ALKBH3: variants seen among roughly 807,000 people sequenced by gnomAD.
ALKBH3 encodes alpha-ketoglutarate-dependent dioxygenase alkB homolog 3.
A neutral mutation model predicts 43.9 loss-of-function variants in ALKBH3; 51 were observed. The observed-to-expected ratio is 1.16, with a 90% confidence interval of 0.93 to 1.47. The LOEUF (loss-of-function observed/expected upper bound fraction) is 1.47, where lower values mean the gene tolerates loss of function less well. Ranked by LOEUF, ALKBH3 falls within the 40% of genes most tolerant of loss-of-function variation. The pLI, the probability that ALKBH3 is intolerant of heterozygous loss-of-function variation, is 0.00. For missense variants in ALKBH3, 361 were observed against 351.9 expected (o/e 1.03, Z -0.21); for synonymous variants, 102 against 115.2 (o/e 0.89, Z 0.73).
intron 8 of ALKBH3, among the ~76,000 whole-genome samples, chr11:43,913,958 T>TG (rs967225300): frequency 6.6e-6 from 1 of 152,300 alleles, no homozygotes; most frequent in Non-Finnish European, 1.5e-5. Flanking sequence ...GGGGCAGCAC[T>TG]GGGGGAACAG....
At chr11:43,898,427 A>G in intron 7 of ALKBH3, 1 of 739,332 alleles carries the variant, frequency 1.4e-6, no homozygotes, top group Non-Finnish European at 2.4e-6. Flanking sequence ...GGCTGGCATC[A>G]TCACGACAAA....
chr11:43,900,610 A>G (rs1241958914), intron 7 of ALKBH3, among the ~76,000 whole-genome samples: 1 of 152,208 alleles, frequency 6.6e-6, no homozygotes, highest in African/African-American at 2.4e-5. Flanking sequence ...GCTGTAACCC[A>G]TATAAACAAA....
rs147238321 is a variant in ALKBH3, at chr11:43,919,825, A to T, written c.769-93A>T. On this transcript the variant is annotated intron_variant, in intron 9 of 9. Transcript: ENST00000302708. ...CATTTAAGGGGGATGAGATGGAAAT[A>T]TTTCTGCATTCTCATGAATAAGTTT... The T allele has an allele frequency of 2.9e-4, 343 of 1,174,388 alleles. 2 individuals are homozygous for T. In the African/African-American group the frequency reaches 4.4e-3, roughly 15 times the overall value. The allele number at this position is 1,174,388 out of a possible 1,614,324, so 72.7% of individuals were successfully genotyped here.
At chr11:43,889,079 A>G (rs1590367394) in intron 5 of ALKBH3, among the ~76,000 whole-genome samples, 3 of 152,050 alleles carry the variant, frequency 2.0e-5, no homozygotes, top group African/African-American at 7.2e-5. Flanking sequence ...CCCAGGCTAG[A>G]GTGCAATGGT....
intron 7 of ALKBH3, among the ~76,000 whole-genome samples, chr11:43,896,276 C>A (rs1285251849): frequency 9.7e-6 from 1 of 103,328 alleles, no homozygotes; most frequent in Non-Finnish European, 2.3e-5. Flanking sequence ...GATACACACA[C>A]ACACACACAC....
intron 4 of ALKBH3, among the ~76,000 whole-genome samples, chr11:43,885,421 A>G (rs979997011): frequency 6.6e-6 from 1 of 152,248 alleles, no homozygotes; most frequent in Non-Finnish European, 1.5e-5. Flanking sequence ...TGCTATGCCT[A>G]CATTTTGGCT....
At chr11:43,902,192 G>A (rs1026610041) in intron 8 of ALKBH3, among the ~76,000 whole-genome samples, 12 of 152,140 alleles carry the variant, frequency 7.9e-5, no homozygotes, top group African/African-American at 2.7e-4. Context: ...TTCTGAAAGG[G>A]AGCATTCACA....
chr11:43,884,164 T>A, intron 4 of ALKBH3, 147 bp downstream of exon 4: 1 of 954,986 alleles, frequency 1.0e-6, no homozygotes, highest in Non-Finnish European at 1.6e-6. Context: ...CAAATGTCTT[T>A]AAACTTGATC....
chr11:43,907,875 G>A (rs1301819394), intron 8 of ALKBH3, among the ~76,000 whole-genome samples: 3 of 152,082 alleles, frequency 2.0e-5, no homozygotes, highest in Non-Finnish European at 4.4e-5. Flanking sequence ...AGAGTGACAC[G>A]GTCTGATTGG....
rs7952603 is a variant in ALKBH3 at position 43,909,382 on chromosome 11, C to G, written c.669+7657C>G. ...TTTAAAAATATTTTACCACTATGAA[C>G]AAGAGGACCAGCTATGTTCTTGTAT... is the stretch of plus-strand genomic sequence containing the variant. On this transcript the variant is annotated intron_variant, in intron 8 of 9. Transcript: ENST00000302708. 1.2e-3 allele frequency: 188 copies of G among 152,260 alleles called. 1 individual carries two copies. Among genetic ancestry groups the G allele is most frequent in the African/African-American group, 4.4e-3 (184 of 41,534 alleles). The allele number at this position is 152,260 out of a possible 1,614,324, so 9.4% of individuals were successfully genotyped here. A position where few individuals can be genotyped will look rare whatever the true frequency, so the allele number is the denominator to read the frequency against.
rs1590364099 is a variant in ALKBH3, at chr11:43,882,991, T to C, written c.80-94T>C. The C allele has an allele frequency of 1.2e-5, 12 of 1,005,600 alleles. No homozygotes were observed. In the East Asian group the frequency reaches 3.0e-4, roughly 25 times the overall value. The allele number at this position is 1,005,600 out of a possible 1,614,324, so 62.3% of individuals were successfully genotyped here. ...AGTTAGTTTCTACATGTCATAGAGA[T>C]CATCTCCAAGTGGGCTTTATTGGCC... On this transcript the variant is annotated intron_variant, in intron 2 of 9. Coordinates refer to ENST00000302708, the MANE Select transcript of ALKBH3 (RefSeq NM_139178.4).
chr11:43,896,038 T>A (rs1214098716), intron 7 of ALKBH3, among the ~76,000 whole-genome samples: 3 of 152,218 alleles, frequency 2.0e-5, no homozygotes, highest in Non-Finnish European at 4.4e-5. Flanking sequence ...TGTTGTGGAT[T>A]GTTTTTGCTT....
At chr11:43,910,613 C>T (rs764726489) in intron 8 of ALKBH3, 8 of 152,202 alleles carry the variant, frequency 5.3e-5, no homozygotes, top group Non-Finnish European at 8.8e-5. Context: ...TTCTCTTGGT[C>T]AGGTTAACAC....
chr11:43,908,450 G>C (rs1165218964), intron 8 of ALKBH3, among the ~76,000 whole-genome samples: 2 of 152,232 alleles, frequency 1.3e-5, no homozygotes, highest in Admixed American at 6.5e-5. Context: ...CTGGAGGTGA[G>C]GTATGGCGGA....
intron 7 of ALKBH3, among the ~76,000 whole-genome samples, chr11:43,893,580 T>G (rs995009959): frequency 6.6e-6 from 1 of 152,148 alleles, no homozygotes; most frequent in Non-Finnish European, 1.5e-5. Context: ...TTCTACCCCA[T>G]GTTTTGGTTC....
In ALKBH3 at chr11:43,920,039, T is replaced by C. The variant is rs1422376798; in HGVS notation, c.*29T>C. On this transcript the variant is annotated 3_prime_UTR_variant, in exon 10 of 10. Transcript: ENST00000302708. ...CAGAGCTTTGAGAGAGAAGCTTCAC[T>C]GAAACGGAGCAAACCTTCCACTGAG... 2 of 1,589,558 alleles carry C rather than the reference T, an allele frequency of 1.3e-6. No individual in the cohort carries two copies. The highest frequency in any genetic ancestry group is 1.7e-6 in the Non-Finnish European group (2 of 1,158,350).
Position 43,889,774 on chromosome 11 carries a change from T to C in ALKBH3, c.316T>C (p.Leu106=), listed in dbSNP as rs1444566970. ...TGACGTGAAAGAAGCTGACTGGATA[T>C]TGGAACAGCTTTGTCAAGATGTTCC... ...FVDVKEADWI[L]EQLCQDVPWK... Residue 106 remains leucine, a synonymous_variant, in exon 6 of 10, where the codon TTG becomes CTG. Coordinates refer to ENST00000302708, the MANE Select transcript of ALKBH3 (RefSeq NM_139178.4). 1 of 1,614,096 alleles carries C rather than the reference T, an allele frequency of 6.2e-7. No homozygotes were observed. Among genetic ancestry groups the C allele is most frequent in the South Asian group, 1.1e-5 (1 of 91,078 alleles).
chr11:43,884,040 G>A (rs1471683173), intron 4 of ALKBH3, 23 bp downstream of exon 4: 1 of 1,613,628 alleles, frequency 6.2e-7, no homozygotes, highest in Non-Finnish European at 8.5e-7. Flanking sequence ...CTGTCTTCCT[G>A]TAATTGTTGC....
chr11:43,918,853 A>T, intron 8 of ALKBH3, 185 bp from the exon 9 acceptor site: 1 of 545,968 alleles, frequency 1.8e-6, no homozygotes, highest in Non-Finnish European at 3.2e-6. Flanking sequence ...ACAAATGAGT[A>T]AGTCAGGGTA....
Sources: gnomAD v4.1 joint callset for allele counts (sites outside exome capture counted in the v4.1 genomes callset) on GRCh38, gnomAD v4.1.1 for gene constraint, MANE v1.5 for transcripts, NCBI Gene and HGNC (gene_info 2026-07-23, HGNC 2026-07-21) for gene names.